Variants in ARMC9 observed in about 807,000 individuals in gnomAD.
ARMC9 encodes the protein armadillo repeat containing 9, also known as lisH domain-containing protein ARMC9.
A neutral mutation model predicts 107.0 loss-of-function variants in ARMC9; 94 were observed. The ratio of observed to expected loss-of-function variants is 0.88; its 90% confidence interval spans 0.74 to 1.04. The LOEUF is 1.04. Ranked by LOEUF, ARMC9 falls within the 50% of genes least tolerant of loss-of-function variation. ARMC9 has a pLI of 0.00. For missense variants in ARMC9, 942 were observed against 1,030.1 expected (o/e 0.91, Z 1.17); for synonymous variants, 380 against 396.9 (o/e 0.96, Z 0.51).
In ARMC9 at chr2:231,202,447, C is replaced by G. The variant is rs373754211; in HGVS notation, c.-42+3749C>G. 3.3e-5 allele frequency among the ~76,000 whole-genome samples: 5 copies of G among 151,444 alleles called. No individual in the cohort carries two copies. In the East Asian group the frequency reaches 9.8e-4, roughly 30 times the overall value. Reference sequence around the variant, plus strand: ...AAGTGATCCTCCTGTCTCATCCTCCCCAGTAGCTGGGATTACAGGCACACA... The same window carrying G: ...AAGTGATCCTCCTGTCTCATCCTCCGCAGTAGCTGGGATTACAGGCACACA... On this transcript the variant is annotated intron_variant, in intron 1 of 24. Transcript: ENST00000611582.
intron 17 of ARMC9, among the ~76,000 whole-genome samples, chr2:231,287,076 G>C (rs1559408327): frequency 1.3e-5 from 2 of 152,224 alleles, no homozygotes. Flanking sequence ...AGGCTCTGCA[G>C]GTTATAAAAG....
At chr2:231,326,262 G>A (rs2043310293) in intron 19 of ARMC9, among the ~76,000 whole-genome samples, 1 of 152,220 alleles carries the variant, frequency 6.6e-6, no homozygotes, top group Non-Finnish European at 1.5e-5. Flanking sequence ...ACTTCTCTGG[G>A]CCTCTGTTTC....
intron 17 of ARMC9, among the ~76,000 whole-genome samples, chr2:231,286,332 T>A (rs1316385044): frequency 6.6e-6 from 1 of 152,148 alleles, no homozygotes; most frequent in Non-Finnish European, 1.5e-5. Context: ...GCCAGGCTGG[T>A]CTCAAACTTC....
At position 231,346,279 on chromosome 2, in the gene ARMC9, C is replaced by T. The variant is rs57837663; in HGVS notation, c.1994+1189C>T. 4.2e-3 allele frequency among the ~76,000 whole-genome samples: 638 copies of T among 152,158 alleles called. 4 individuals carry two copies. Among genetic ancestry groups the T allele is most frequent in the African/African-American group, 0.015 (603 of 41,520 alleles). On this transcript the variant is annotated intron_variant, in intron 21 of 24. Transcript: ENST00000611582. ...GCTCACACCTGTAATCCCAGCAGTTCGGGAGGCTGAGGCAGGCAAATCACA... is the reference window on the plus strand; with the variant it reads ...GCTCACACCTGTAATCCCAGCAGTTTGGGAGGCTGAGGCAGGCAAATCACA...
In ARMC9 at chr2:231,297,671, G is replaced by C. The variant is rs2041467403; in HGVS notation, c.1773+1418G>C. On this transcript the variant is annotated intron_variant, in intron 19 of 24. Coordinates refer to ENST00000611582, the MANE Select transcript of ARMC9 (RefSeq NM_001352754.2). This position sits in a 1 kb window ranked among gnomAD's most constrained non-coding sequence, Gnocchi z 4.2. ...AATCATTCTTAGCTGGCGAGCATAG[G>C]AAAGCAGGCACCTGACTCGTGGGCC... Among the ~76,000 whole-genome samples the C allele has an allele frequency of 1.3e-5, 2 of 152,180 alleles. No individual in the cohort carries two copies. The highest frequency in any genetic ancestry group is 2.4e-5 in the African/African-American group (1 of 41,450).
chr2:231,205,072 C>T (rs2031755575), intron 1 of ARMC9, among the ~76,000 whole-genome samples: 1 of 151,950 alleles, frequency 6.6e-6, no homozygotes, highest in Non-Finnish European at 1.5e-5. Flanking sequence ...AGGTTACAGA[C>T]TCAGAAGAGA....
intron 12 of ARMC9, among the ~76,000 whole-genome samples, chr2:231,267,754 G>C (rs1290129541): frequency 6.6e-6 from 1 of 152,096 alleles, no homozygotes; most frequent in Non-Finnish European, 1.5e-5. Flanking sequence ...GTCTGGGCTC[G>C]TTTCACCAGT....
chr2:231,334,337 A>G (rs1272917694), intron 20 of ARMC9, among the ~76,000 whole-genome samples: 1 of 152,226 alleles, frequency 6.6e-6, no homozygotes, highest in East Asian at 1.9e-4. Flanking sequence ...GAAGGACTCT[A>G]TGGGAGGATC....
chr2:231,262,178 GGATATTACTT>G, intron 11 of ARMC9, 118 bp from the exon 12 acceptor site: 1 of 875,346 alleles, frequency 1.1e-6, no homozygotes, highest in Non-Finnish European at 1.8e-6. Context: ...TCCCCAAGCT[GGATATTACTT>G]ATTTTGTTTG....
At chr2:231,262,806 T>C (rs1224318694) in intron 12 of ARMC9, among the ~76,000 whole-genome samples, 2 of 152,184 alleles carry the variant, frequency 1.3e-5, no homozygotes, top group African/African-American at 4.8e-5. Flanking sequence ...CAGATAGGTC[T>C]ACTGATCCTG....
In ARMC9 at chr2:231,373,539, A is replaced by T. The variant is rs928311822; in HGVS notation, c.*2004A>T. On this transcript the variant is annotated 3_prime_UTR_variant, in exon 25 of 25. Coordinates refer to ENST00000611582, the MANE Select transcript of ARMC9 (RefSeq NM_001352754.2). This position sits in a 1 kb window ranked among gnomAD's most constrained non-coding sequence, Gnocchi z 4.4. ...CTAAAGTCTGATCTGTAGATGTCTGATGGTTTGAGGAGAAGAAAAGATAGT... is the reference window on the plus strand; with the variant it reads ...CTAAAGTCTGATCTGTAGATGTCTGTTGGTTTGAGGAGAAGAAAAGATAGT... 6.6e-6 allele frequency: 1 copy of T among 152,144 alleles called. No homozygotes were observed. Among genetic ancestry groups the T allele is most frequent in the East Asian group, 1.9e-4 (1 of 5,182 alleles). 9.4% of individuals were successfully genotyped at this position (152,144 alleles called of 1,614,324 possible).
chr2:231,283,147 A>T (rs1396399745), intron 17 of ARMC9, among the ~76,000 whole-genome samples: 3 of 152,058 alleles, frequency 2.0e-5, no homozygotes, highest in Non-Finnish European at 4.4e-5. Flanking sequence ...GCCCTTAGAG[A>T]TCCCAGAGCA....
intron 14 of ARMC9, among the ~76,000 whole-genome samples, chr2:231,275,649 G>A (rs1217584072): frequency 6.6e-6 from 1 of 152,112 alleles, no homozygotes; most frequent in Non-Finnish European, 1.5e-5. Context: ...ATTATAGAGC[G>A]TTTAGGTAAA....
intron 18 of ARMC9, chr2:231,295,729 A>G (rs1225790187): frequency 6.5e-6 from 1 of 152,836 alleles, no homozygotes; most frequent in African/African-American, 2.4e-5. Context: ...CATGGAGTTT[A>G]GAGATAGACT....
intron 20 of ARMC9, among the ~76,000 whole-genome samples, chr2:231,343,146 C>G (rs1299237139): frequency 6.6e-6 from 1 of 151,936 alleles, no homozygotes; most frequent in African/African-American, 2.4e-5. Context: ...CTCCCAACCT[C>G]AGGTGATCCA....
At chr2:231,226,867 GT>G in intron 7 of ARMC9, 69 bp downstream of exon 7, 1 of 1,509,046 alleles carries the variant, frequency 6.6e-7, no homozygotes, top group Non-Finnish European at 9.2e-7. Context: ...AGTAAGATCG[GT>G]GCAAAGATGG....
At position 231,239,945 on chromosome 2, in the gene ARMC9, C is replaced by T; in HGVS notation, c.783C>T (p.Ile261=). The part of the protein sequence containing the change: ...SLEATVSGKM[I]TPEYLQSVCV... ...ATGTCTTTGTATCCTCCTTGCAGATCACCCCTGAGTACCTCCAGAGCGTCT... is the reference window on the plus strand; with the variant it reads ...ATGTCTTTGTATCCTCCTTGCAGATTACCCCTGAGTACCTCCAGAGCGTCT... The change falls in exon 9 of 25, where the codon ATC becomes ATT. Residue 261 remains isoleucine (I), a splice_region_variant and synonymous_variant. Coordinates refer to ENST00000611582, the MANE Select transcript of ARMC9 (RefSeq NM_001352754.2). 6.2e-7 allele frequency: 1 copy of T among 1,613,582 alleles called. No homozygotes were observed. Among genetic ancestry groups the T allele is most frequent in the African/African-American group, 1.3e-5 (1 of 75,018 alleles).
chr2:231,225,275 C>G lies in ARMC9; in HGVS notation c.598-1499C>G, dbSNP rs143207721. On this transcript the variant is annotated intron_variant, in intron 6 of 24. Coordinates refer to ENST00000611582, the MANE Select transcript of ARMC9 (RefSeq NM_001352754.2). ...ATAGCCTTCAAAAGCAGGTTAAGTT[C>G]CCTCAGAGGTTTAAACGTAGAGTTA... Among the ~76,000 whole-genome samples the G allele has an allele frequency of 1.2e-3, 183 of 152,212 alleles. 1 individual carries two copies. The highest frequency in any genetic ancestry group is 4.2e-3 in the African/African-American group (173 of 41,524).
At position 231,360,279 on chromosome 2, in the gene ARMC9, C is replaced by T. The variant is rs901760581; in HGVS notation, c.2132-475C>T. Among the ~76,000 whole-genome samples, 8 of 152,260 alleles carry T rather than the reference C, an allele frequency of 5.3e-5. No homozygotes were observed. Among genetic ancestry groups the T allele is most frequent in the Admixed American group, 2.0e-4 (3 of 15,294 alleles). On this transcript the variant is annotated intron_variant, in intron 22 of 24. Transcript: ENST00000611582. This position sits in a 1 kb window ranked among gnomAD's most constrained non-coding sequence, Gnocchi z 4.7. Reference sequence around the variant, plus strand: ...CACTTCCTGGCCACCCTGGGTGTACCGAGTGGTTCAGCATTAAGGAGCCTT... The same window carrying T: ...CACTTCCTGGCCACCCTGGGTGTACTGAGTGGTTCAGCATTAAGGAGCCTT...
Sources: gnomAD v4.1 joint callset for allele counts (sites outside exome capture counted in the v4.1 genomes callset) on GRCh38, gnomAD v4.1.1 for gene constraint, Gnocchi (gnomAD v3.1) non-coding constraint, MANE v1.5 for transcripts, NCBI Gene and HGNC (gene_info 2026-07-23, HGNC 2026-07-21) for gene names.